CHTOP: variants seen among roughly 807,000 people sequenced by gnomAD.
The protein encoded by CHTOP is chromatin target of PRMT1, also known as chromatin target of PRMT1 protein.
Under a neutral mutation model 33.6 loss-of-function variants are expected in CHTOP, and 18 were observed. The ratio of observed to expected loss-of-function variants is 0.54; its 90% CI spans 0.37 to 0.80. The LOEUF is 0.80. Among genes scored for constraint, CHTOP ranks in the 30% least tolerant of loss-of-function variants. The probability of loss-of-function intolerance (pLI) is 0.00; values close to 1 mark genes in which losing one functional copy is unlikely to be tolerated. For synonymous variants in CHTOP, 117 were observed against 127.7 expected, an observed-to-expected ratio of 0.92 and a Z score of 0.56; for missense variants, 263 against 336.8, an observed-to-expected ratio of 0.78 and a Z score of 1.71.
At chr1:153,636,523 A>T in intron 1 of CHTOP, 49 bp from the exon 2 acceptor site, 1 of 1,496,964 alleles carries the variant, frequency 6.7e-7, no homozygotes, top group South Asian at 1.1e-5. Context: ...CACTTATAGA[A>T]ATGATGTCAC....
intron 5 of CHTOP, 110 bp from the exon 6 acceptor site, chr1:153,644,954 C>A: frequency 1.1e-6 from 1 of 932,382 alleles, no homozygotes. Flanking sequence ...TTTGCCCTGC[C>A]CTTCAGCTTT....
chr1:153,639,047 A>T (rs1668518717), intron 3 of CHTOP, among the ~76,000 whole-genome samples: 1 of 151,952 alleles, frequency 6.6e-6, no homozygotes, highest in South Asian at 2.1e-4. Context: ...CACCCAGCTA[A>T]TTTTTTTGTA....
chr1:153,637,765 T>C (rs1668461642), intron 2 of CHTOP: 1 of 153,766 alleles, frequency 6.5e-6, no homozygotes, highest in African/African-American at 2.4e-5. Context: ...TCTCTCCTTA[T>C]CTCTTTGGCT....
intron 4 of CHTOP, chr1:153,642,706 G>T: frequency 3.5e-6 from 1 of 281,948 alleles, no homozygotes; most frequent in Non-Finnish European, 6.6e-6. Context: ...TTGAATCAAA[G>T]CACATTCAAG....
chr1:153,634,602 A>G (rs1029225346), intron 1 of CHTOP, among the ~76,000 whole-genome samples: 3 of 152,250 alleles, frequency 2.0e-5, no homozygotes, highest in African/African-American at 7.2e-5. Flanking sequence ...AAGTCTTGAC[A>G]GGGCTTTGAG....
intron 4 of CHTOP, 187 bp downstream of exon 4, chr1:153,642,616 C>T (rs955453142): frequency 8.4e-6 from 4 of 474,172 alleles, no homozygotes; most frequent in Non-Finnish European, 1.5e-5. Context: ...TGATAATGTG[C>T]AATGGTGAGA....
chr1:153,634,828 G>GTA (rs948151070), intron 1 of CHTOP, among the ~76,000 whole-genome samples: 3 of 148,996 alleles, frequency 2.0e-5, no homozygotes, highest in East Asian at 3.9e-4. Flanking sequence ...ATATATATAT[G>GTA]TATATATATA....
chr1:153,640,690 G>A (rs1668589611), intron 3 of CHTOP, among the ~76,000 whole-genome samples: 1 of 152,180 alleles, frequency 6.6e-6, no homozygotes. Flanking sequence ...AGAATTGTTT[G>A]AACCTGGGAG....
chr1:153,645,391 T>C lies in CHTOP; in HGVS notation c.*122T>C, dbSNP rs750660599. The C allele has an allele frequency of 3.7e-5, 33 of 900,164 alleles. No homozygotes were observed. The highest frequency in any genetic ancestry group is 5.5e-5 in the Non-Finnish European group (33 of 597,480). 55.8% of individuals were successfully genotyped at this position (900,164 alleles called of 1,614,324 possible). ...GGACCTATCACAATAGGCTGTGGAC[T>C]TACTTGCCACCAGCTTGTGCATTTA... On this transcript the variant is annotated 3_prime_UTR_variant, in exon 6 of 6. Coordinates refer to ENST00000368694, the MANE Select transcript of CHTOP (RefSeq NM_015607.4).
At chr1:153,636,003 C>T (rs1668379242) in intron 1 of CHTOP, among the ~76,000 whole-genome samples, 1 of 152,032 alleles carries the variant, frequency 6.6e-6, no homozygotes, top group African/African-American at 2.4e-5. Context: ...TCTTTGCAGC[C>T]TCCAACCCCT....
At chr1:153,643,461 G>C (rs1668698210) in intron 5 of CHTOP, 97 bp downstream of exon 5, 2 of 1,248,076 alleles carry the variant, frequency 1.6e-6, no homozygotes, top group South Asian at 4.3e-5. Context: ...TCATAGGCAG[G>C]CTTCTTTGTT....
intron 4 of CHTOP, 45 bp downstream of exon 4, chr1:153,642,474 C>G: frequency 2.0e-6 from 3 of 1,498,256 alleles, no homozygotes; most frequent in Non-Finnish European, 2.7e-6. Flanking sequence ...TACTCCCTTC[C>G]CTTTTCTCTT....
At chr1:153,643,561 A>G in intron 5 of CHTOP, 197 bp downstream of exon 5, 2 of 521,202 alleles carry the variant, frequency 3.8e-6, no homozygotes, top group Non-Finnish European at 6.4e-6. Flanking sequence ...GAATCAATCA[A>G]GTGCATATTA....
At chr1:153,644,053 GT>G (rs760315005) in intron 5 of CHTOP, 1 of 152,218 alleles carries the variant, frequency 6.6e-6, no homozygotes, top group African/African-American at 2.4e-5. Flanking sequence ...GAGCCTTCTG[GT>G]TTAGAGCTTA....
chr1:153,635,969 A>G (rs9427347), intron 1 of CHTOP, among the ~76,000 whole-genome samples: 122,830 of 152,058 alleles, frequency 0.81, 50,496 homozygotes, highest in African/African-American at 0.95. Flanking sequence ...GTCTCAGGCC[A>G]GAGTGCAGTG....
intron 4 of CHTOP, 167 bp downstream of exon 4, chr1:153,642,596 A>T: frequency 1.9e-6 from 1 of 516,146 alleles, no homozygotes; most frequent in East Asian, 3.3e-5. Context: ...TATCAATACC[A>T]TTCCTTTTCT....
At chr1:153,635,916 T>C (rs185689177) in intron 1 of CHTOP, among the ~76,000 whole-genome samples, 36 of 151,588 alleles carry the variant, frequency 2.4e-4, no homozygotes, top group African/African-American at 8.3e-4. Flanking sequence ...CCTTGAAGTT[T>C]GTTTGTTTGT....
chr1:153,644,260 C>G (rs1377559580), intron 5 of CHTOP: 1 of 152,192 alleles, frequency 6.6e-6, no homozygotes, highest in East Asian at 1.9e-4. Flanking sequence ...ATGATACTTA[C>G]TGAGTGAAGT....
rs1668775236 is a variant in CHTOP, at chr1:153,645,323, A to G, written c.*54A>G. The stretch of plus-strand genomic sequence containing the variant: ...TTGTTAGTCAACACATCTGTAAATA[A>G]CCTTGAGATAACAGATGAGAAGAAA... On this transcript the variant is annotated 3_prime_UTR_variant, in exon 6 of 6. Coordinates refer to ENST00000368694, the MANE Select transcript of CHTOP (RefSeq NM_015607.4). 1.3e-6 allele frequency: 2 copies of G among 1,543,384 alleles called. No homozygotes were observed. Among genetic ancestry groups the G allele is most frequent in the East Asian group, 4.5e-5 (2 of 44,498 alleles).
Sources: gnomAD v4.1 joint callset for allele counts (sites outside exome capture counted in the v4.1 genomes callset) on GRCh38, gnomAD v4.1.1 for gene constraint, MANE v1.5 for transcripts, NCBI Gene and HGNC (gene_info 2026-07-23, HGNC 2026-07-21) for gene names.